Variants in TGM4 observed in about 807,000 individuals in gnomAD.
The protein encoded by TGM4 is protein-glutamine gamma-glutamyltransferase 4.
In TGM4, 61 loss-of-function variants were observed where a neutral mutation model predicts 76.3. That is an observed-to-expected ratio of 0.80 (90% CI 0.65 to 0.99). The LOEUF is 0.99. TGM4 is among the 50% of genes least tolerant of loss of function. The probability of loss-of-function intolerance (pLI) is 0.00; values close to 1 mark genes in which losing one functional copy is unlikely to be tolerated. For synonymous variants in TGM4, 337 were observed against 329.8 expected, an observed-to-expected ratio of 1.02 and a Z score of -0.24; for missense variants, 794 against 843.2, an observed-to-expected ratio of 0.94 and a Z score of 0.72.
At chr3:44,911,772 A>G (rs946365148) in intron 13 of TGM4, among the ~76,000 whole-genome samples, 5 of 152,132 alleles carry the variant, frequency 3.3e-5, no homozygotes, top group Non-Finnish European at 5.9e-5. Context: ...TTTACACAGT[A>G]GAGTGTTATG....
intron 2 of TGM4, 47 bp from the exon 3 acceptor site, chr3:44,887,642 G>T: frequency 6.4e-7 from 1 of 1,573,016 alleles, no homozygotes; most frequent in Non-Finnish European, 8.7e-7. Flanking sequence ...AGATTGTCTT[G>T]GGGGTGGCCC....
chr3:44,904,021 T>TGC, intron 9 of TGM4, 34 bp downstream of exon 9: 1 of 1,576,290 alleles, frequency 6.3e-7, no homozygotes, highest in East Asian at 2.2e-5. Flanking sequence ...TGGGCATCCA[T>TGC]GCTGCTCTCC....
intron 9 of TGM4, among the ~76,000 whole-genome samples, chr3:44,905,249 G>A (rs940650337): frequency 6.6e-6 from 1 of 151,580 alleles, no homozygotes; most frequent in Non-Finnish European, 1.5e-5. Flanking sequence ...GCCTCCCAAA[G>A]TGCCGGGATT....
chr3:44,875,783 G>A (rs1699444042), intron 1 of TGM4, among the ~76,000 whole-genome samples: 2 of 152,146 alleles, frequency 1.3e-5, no homozygotes, highest in African/African-American at 2.4e-5. Flanking sequence ...CTTCTTTTTT[G>A]GAGGGTGACA....
rs1700060963 is a variant in TGM4 at position 44,914,726 on chromosome 3, T to C, written c.*1001T>C. ...TCCCCAGGCAAGGTGCTCTGAGGAG[T>C]TGGCTTCTTTATTGTCTGTTCAGTA... On this transcript the variant is annotated 3_prime_UTR_variant, in exon 14 of 14. Coordinates refer to ENST00000296125, the MANE Select transcript of TGM4 (RefSeq NM_003241.4). 2 of 151,934 alleles carry C rather than the reference T, an allele frequency of 1.3e-5. No individual in the cohort carries two copies. The highest frequency in any genetic ancestry group is 1.3e-4 in the Admixed American group (2 of 15,262). 9.4% of individuals were successfully genotyped at this position (151,934 alleles called of 1,614,324 possible). A position where few individuals can be genotyped will look rare whatever the true frequency, so the allele number is the denominator to read the frequency against.
chr3:44,881,074 C>T lies in TGM4; in HGVS notation c.20-4251C>T, dbSNP rs1030427721. On this transcript the variant is annotated intron_variant, in intron 1 of 13. Transcript: ENST00000296125. Reference sequence around the variant, plus strand: ...CACCACTATGAAGTGCACTATGGTGCACACCTGTAGTCCCAGCTACTCTGG... The same window carrying T: ...CACCACTATGAAGTGCACTATGGTGTACACCTGTAGTCCCAGCTACTCTGG... Among the ~76,000 whole-genome samples the T allele has an allele frequency of 3.4e-5, 5 of 147,300 alleles. 1 individual carries two copies. The highest frequency in any genetic ancestry group is 4.2e-4 in the South Asian group (2 of 4,812).
chr3:44,886,523 T>C (rs771402211), intron 2 of TGM4, among the ~76,000 whole-genome samples: 23 of 152,202 alleles, frequency 1.5e-4, no homozygotes, highest in Non-Finnish European at 3.2e-4. Context: ...AAGCACCTAC[T>C]GTGTGCCATG....
chr3:44,906,457 A>T (rs1484438578), intron 9 of TGM4, among the ~76,000 whole-genome samples: 1 of 148,422 alleles, frequency 6.7e-6, no homozygotes, highest in Non-Finnish European at 1.5e-5. Context: ...ATTAGCCCAG[A>T]TCCATAGCAA....
intron 9 of TGM4, among the ~76,000 whole-genome samples, chr3:44,905,939 C>T (rs760933308): frequency 4.8e-4 from 73 of 152,212 alleles, no homozygotes; most frequent in Admixed American, 8.5e-4. Flanking sequence ...GCCATAGCAA[C>T]CAGGCAGTGA....
In TGM4 at chr3:44,911,369, A is replaced by C. The variant is rs1202883308; in HGVS notation, c.1876A>C (p.Ser626Arg). The C allele has an allele frequency of 1.2e-6, 2 of 1,614,254 alleles. No homozygotes were observed. The highest frequency in any genetic ancestry group is 4.5e-5 in the East Asian group (2 of 44,888). The change falls in exon 13 of 14, where the codon AGC becomes CGC. Residue 626 changes from serine (S) to arginine (R), a missense_variant. Coordinates refer to ENST00000296125, the MANE Select transcript of TGM4 (RefSeq NM_003241.4). ...PLTDVKFSLESLGISSLQTSD... is the reference protein window; with the variant it reads ...PLTDVKFSLERLGISSLQTSD... ...GACTGACGTCAAGTTCTCTTTGGAA[A>C]GCCTGGGCATCTCCTCACTACAGAC... is the stretch of plus-strand genomic sequence containing the variant.
chr3:44,878,579 T>C (rs1699484079), intron 1 of TGM4, among the ~76,000 whole-genome samples: 1 of 151,484 alleles, frequency 6.6e-6, no homozygotes, highest in Non-Finnish European at 1.5e-5. Flanking sequence ...AGTTCCCAGG[T>C]TCAAGCGATT....
At chr3:44,892,294 A>T (rs1184303565) in intron 4 of TGM4, among the ~76,000 whole-genome samples, 1 of 151,676 alleles carries the variant, frequency 6.6e-6, no homozygotes, top group East Asian at 1.9e-4. Context: ...ATAAATAATT[A>T]AAAAAATAAG....
chr3:44,888,924 C>T (rs2125750779), intron 3 of TGM4: 1 of 152,126 alleles, frequency 6.6e-6, no homozygotes, highest in Non-Finnish European at 1.5e-5. Flanking sequence ...ATCCCAGCTC[C>T]ACCTCTTGGG....
chr3:44,903,855 G>A, intron 8 of TGM4, 29 bp from the exon 9 acceptor site: 1 of 1,608,738 alleles, frequency 6.2e-7, no homozygotes, highest in Non-Finnish European at 8.5e-7. Flanking sequence ...GGGTGGTCCG[G>A]GGTGGGGCCC....
rs1699517504 is a variant in TGM4, at chr3:44,880,491, G to C, written c.20-4834G>C. Reference sequence around the variant, plus strand: ...AGCACTCTGGGAAGGAGACTCTCCAGGAGTGCCTGCTGGCAGGTGGCAGTA... The same window carrying C: ...AGCACTCTGGGAAGGAGACTCTCCACGAGTGCCTGCTGGCAGGTGGCAGTA... On this transcript the variant is annotated intron_variant, in intron 1 of 13. Coordinates refer to ENST00000296125, the MANE Select transcript of TGM4 (RefSeq NM_003241.4). 2.0e-5 allele frequency among the ~76,000 whole-genome samples: 3 copies of C among 152,342 alleles called. 1 individual carries two copies. In the South Asian group the frequency reaches 6.2e-4, roughly 32 times the overall value.
intron 2 of TGM4, among the ~76,000 whole-genome samples, chr3:44,885,807 A>G (rs1476321572): frequency 1.3e-5 from 2 of 152,168 alleles, no homozygotes; most frequent in African/African-American, 2.4e-5. Context: ...GAGATGAATC[A>G]TAGGACTGAG....
intron 6 of TGM4, 112 bp downstream of exon 6, chr3:44,896,928 G>A (rs1699787114): frequency 1.3e-6 from 1 of 744,650 alleles, no homozygotes; most frequent in African/African-American, 1.7e-5. Flanking sequence ...ACTGTGCTAT[G>A]GCCAATCAAT....
chr3:44,878,478 T>TATC (rs1401619075), intron 1 of TGM4, among the ~76,000 whole-genome samples: 2 of 147,360 alleles, frequency 1.4e-5, no homozygotes, highest in Non-Finnish European at 3.0e-5. Context: ...TTATTATTAT[T>TATC]ATTATTATTA....
chr3:44,897,993 A>G (rs1463330199), intron 6 of TGM4, among the ~76,000 whole-genome samples: 1 of 152,214 alleles, frequency 6.6e-6, no homozygotes, highest in African/African-American at 2.4e-5. Context: ...TTAAAAAGGC[A>G]GAGGACGGCC....
Sources: gnomAD v4.1 joint callset for allele counts (sites outside exome capture counted in the v4.1 genomes callset) on GRCh38, gnomAD v4.1.1 for gene constraint, MANE v1.5 for transcripts, NCBI Gene and HGNC (gene_info 2026-07-23, HGNC 2026-07-21) for gene names.